The following ERICH3 variants were observed in gnomAD, a reference collection of about 807,000 sequenced individuals.
ERICH3 encodes the protein glutamate-rich protein 3.
In ERICH3, 126 loss-of-function variants were observed where a neutral mutation model predicts 131.1. That is an observed-to-expected ratio of 0.96 (90% CI 0.83 to 1.11). The LOEUF (loss-of-function observed/expected upper bound fraction) is 1.11. Ranked by LOEUF, ERICH3 falls within the 50% of genes most tolerant of loss-of-function variation. The pLI is 0.00. For missense variants in ERICH3, 2,050 were observed against 1,810.7 expected, an observed-to-expected ratio of 1.13 and a Z score of -2.40; for synonymous variants, 695 against 644.6, an observed-to-expected ratio of 1.08 and a Z score of -1.18.
chr1:74,627,077 T>G lies in ERICH3; in HGVS notation c.819+4636A>C, dbSNP rs1557690126. On this transcript the variant is annotated intron_variant, in intron 7 of 14. Transcript: ENST00000326665. ...AGAGCCATCTCCCCTTAAATGAATCTTTTCTATATCTAAATAAACGAAACT... is the reference window on the plus strand; with the variant it reads ...AGAGCCATCTCCCCTTAAATGAATCGTTTCTATATCTAAATAAACGAAACT... Among the ~76,000 whole-genome samples, 8 of 152,182 alleles carry G rather than the reference T, an allele frequency of 5.3e-5. No individual in the cohort carries two copies. In the South Asian group the frequency reaches 1.7e-3, roughly 32 times the overall value.
intron 1 of ERICH3, among the ~76,000 whole-genome samples, chr1:74,669,003 G>A (rs1356064832): frequency 6.6e-6 from 1 of 152,150 alleles, no homozygotes; most frequent in Admixed American, 6.5e-5. Flanking sequence ...TGCTACTTAA[G>A]AATGCAATGG....
At position 74,569,642 on chromosome 1, in the gene ERICH3, C is replaced by T. The variant is rs1419838070; in HGVS notation, c.*816G>A. The T allele has an allele frequency of 2.6e-5, 4 of 152,086 alleles. No individual in the cohort carries two copies. Among genetic ancestry groups the T allele is most frequent in the East Asian group, 3.9e-4 (2 of 5,188 alleles). The allele number at this position is 152,086 out of a possible 1,614,324, so 9.4% of individuals were successfully genotyped here. On this transcript the variant is annotated 3_prime_UTR_variant, in exon 15 of 15. Coordinates refer to ENST00000326665, the MANE Select transcript of ERICH3 (RefSeq NM_001002912.5). ...TAATGCTGATGTGCTATGCTTACCA[C>T]TATAATTATTATACTTATTCCACTT...
intron 8 of ERICH3, among the ~76,000 whole-genome samples, chr1:74,614,433 T>C (rs1017113269): frequency 1.3e-5 from 2 of 149,780 alleles, no homozygotes; most frequent in African/African-American, 4.9e-5. Context: ...CCAGAGCACT[T>C]TGGGAGGCCG....
chr1:74,606,354 G>A (rs696702), intron 10 of ERICH3, among the ~76,000 whole-genome samples: 22,734 of 151,788 alleles, frequency 0.15, 1,874 homozygotes, highest in East Asian at 0.27. Flanking sequence ...ACATTGACAT[G>A]TACTCATTCT....
At chr1:74,590,730 T>G (rs1313760260) in intron 11 of ERICH3, among the ~76,000 whole-genome samples, 3 of 152,162 alleles carry the variant, frequency 2.0e-5, no homozygotes, top group Non-Finnish European at 4.4e-5. Flanking sequence ...ATGGACCCTG[T>G]ACCAGTCCGT....
chr1:74,574,915 T>G (rs141685440), intron 13 of ERICH3, among the ~76,000 whole-genome samples: 270 of 152,220 alleles, frequency 1.8e-3, no homozygotes, highest in African/African-American at 6.1e-3. Context: ...AATTTAATCT[T>G]TTTTATTAAT....
intron 12 of ERICH3, among the ~76,000 whole-genome samples, chr1:74,584,584 C>T (rs367834557): frequency 2.1e-4 from 32 of 152,088 alleles, no homozygotes; most frequent in Non-Finnish European, 3.4e-4. Flanking sequence ...TTCAGATGTC[C>T]GATTATTAGA....
Position 74,573,108 on chromosome 1 carries a change from C to A in ERICH3, c.2602G>T (p.Val868Leu). The A allele has an allele frequency of 6.2e-7, 1 of 1,614,072 alleles. No homozygotes were observed. The highest frequency in any genetic ancestry group is 1.1e-5 in the South Asian group (1 of 91,076). ...GGAGCCTCATCTTTACTCAGACCCA[C>A]AGCATCTTTTGCTGCTGCTTGTCCT... The part of the protein sequence containing the change: ...PIGQAAAKDA[V>L]GLSKDEAPEK... Residue 868 changes from valine (V) to leucine (L), a missense_variant, in exon 14 of 15, where the codon GTG becomes TTG. Physicochemically the swap from Val to Leu is conservative, Grantham distance 32. Transcript: ENST00000326665.
chr1:74,615,796 A>C (rs1340701323), intron 8 of ERICH3, among the ~76,000 whole-genome samples: 1 of 152,144 alleles, frequency 6.6e-6, no homozygotes, highest in Non-Finnish European at 1.5e-5. Context: ...TTATCACAGC[A>C]GTTCTAATAG....
At chr1:74,604,912 G>T (rs1184129703) in intron 10 of ERICH3, among the ~76,000 whole-genome samples, 2 of 151,922 alleles carry the variant, frequency 1.3e-5, no homozygotes, top group Non-Finnish European at 2.9e-5. Context: ...TAAAAGAAGA[G>T]TCAGCCTATC....
Position 74,589,633 on chromosome 1 carries a change from C to T in ERICH3, c.2174G>A (p.Gly725Asp), listed in dbSNP as rs1204240884. 1 of 1,613,394 alleles carries T rather than the reference C, an allele frequency of 6.2e-7. No individual in the cohort carries two copies. The highest frequency in any genetic ancestry group is 1.3e-5 in the African/African-American group (1 of 75,016). The change falls in exon 12 of 15, where the codon GGT (glycine) becomes GAT (aspartate). Residue 725 changes from glycine to aspartate, a missense_variant and splice_region_variant. Physicochemically the swap from Gly to Asp is moderately conservative, Grantham distance 94. Transcript: ENST00000326665. ...KKAGLPGLEE[G>D]GKDSLPLAYV... ...CTCAACTCAACGGCCATACTTACCA[C>T]CTTCCTCCAACCCAGGGAGACCTGC...
intron 1 of ERICH3, among the ~76,000 whole-genome samples, chr1:74,661,883 A>T (rs1167589480): frequency 1.3e-5 from 2 of 152,234 alleles, no homozygotes; most frequent in African/African-American, 4.8e-5. Context: ...CTCTTCGGAA[A>T]TAGCATGTTT....
chr1:74,610,478 A>C (rs1313875913), intron 9 of ERICH3, among the ~76,000 whole-genome samples: 2 of 149,478 alleles, frequency 1.3e-5, no homozygotes, highest in Non-Finnish European at 3.0e-5. Flanking sequence ...TGAGTCCTAC[A>C]TCTCATCTTC....
intron 12 of ERICH3, among the ~76,000 whole-genome samples, chr1:74,582,785 G>A (rs76620408): frequency 0.037 from 5,603 of 152,206 alleles, 362 homozygotes; most frequent in African/African-American, 0.13. Flanking sequence ...CATTATTTAT[G>A]TGGTTTAAAT....
At chr1:74,607,478 A>G (rs1037636859) in intron 9 of ERICH3, among the ~76,000 whole-genome samples, 6 of 152,064 alleles carry the variant, frequency 3.9e-5, no homozygotes, top group African/African-American at 1.4e-4. Context: ...GATTTTTTAA[A>G]GAAATATATA....
chr1:74,673,916 T>A (rs1646765089), upstream of ERICH3, among the ~76,000 whole-genome samples: 1 of 152,142 alleles, frequency 6.6e-6, no homozygotes, highest in African/African-American at 2.4e-5. Flanking sequence ...CCCAGGTATC[T>A]GTAACATGAA....
intron 7 of ERICH3, among the ~76,000 whole-genome samples, chr1:74,629,297 C>A (rs1430101248): frequency 6.6e-6 from 1 of 151,312 alleles, no homozygotes; most frequent in Non-Finnish European, 1.5e-5. Flanking sequence ...GAGAGAAAAG[C>A]TAAGAATCTT....
chr1:74,612,952 G>T, intron 8 of ERICH3, 143 bp from the exon 9 acceptor site: 1 of 565,984 alleles, frequency 1.8e-6, no homozygotes, highest in Non-Finnish European at 2.9e-6. Flanking sequence ...GTCCACACTG[G>T]AAGAAGAAGA....
chr1:74,585,521 A>G (rs1647287653), intron 12 of ERICH3, among the ~76,000 whole-genome samples: 1 of 152,194 alleles, frequency 6.6e-6, no homozygotes, highest in Non-Finnish European at 1.5e-5. Context: ...CTCAAGTAAA[A>G]ACAATTCAAA....
Sources: gnomAD v4.1 joint callset for allele counts (sites outside exome capture counted in the v4.1 genomes callset) on GRCh38, gnomAD v4.1.1 for gene constraint, MANE v1.5 for transcripts, NCBI Gene and HGNC (gene_info 2026-07-23, HGNC 2026-07-21) for gene names.